Variants in STXBP5L observed in about 807,000 individuals in gnomAD.
STXBP5L encodes the protein syntaxin binding protein 5L, also known as syntaxin-binding protein 5-like.
Under a neutral mutation model 144.5 loss-of-function variants are expected in STXBP5L, and 65 were observed. That is an observed-to-expected ratio of 0.45 (90% CI 0.37 to 0.55). STXBP5L has a LOEUF of 0.55. STXBP5L is among the 20% of genes least tolerant of loss of function. The pLI is 0.00. For synonymous variants in STXBP5L, 505 were observed against 469.6 expected (o/e 1.08, Z -0.97); for missense variants, 1,298 against 1,405.5 (o/e 0.92, Z 1.22).
At chr3:121,304,659 A>G (rs1201507130) in intron 19 of STXBP5L, among the ~76,000 whole-genome samples, 1 of 152,142 alleles carries the variant, frequency 6.6e-6, no homozygotes, top group Non-Finnish European at 1.5e-5. Flanking sequence ...ATATTTTTGA[A>G]CTGAGTGAAA....
intron 18 of STXBP5L, among the ~76,000 whole-genome samples, chr3:121,259,815 T>A (rs2050328705): frequency 6.6e-6 from 1 of 151,952 alleles, no homozygotes; most frequent in Non-Finnish European, 1.5e-5. Flanking sequence ...TCCTGGTTTT[T>A]TTTTTAATTG....
intron 3 of STXBP5L, among the ~76,000 whole-genome samples, 172 bp from the exon 4 acceptor site, chr3:121,041,528 C>T (rs564755334): frequency 7.9e-5 from 12 of 152,036 alleles, no homozygotes; most frequent in African/African-American, 2.9e-4. Flanking sequence ...GAGTATTAAA[C>T]ATCTGAGGTA....
chr3:121,227,784 C>G (rs2049167050), intron 11 of STXBP5L, among the ~76,000 whole-genome samples: 1 of 152,024 alleles, frequency 6.6e-6, no homozygotes. Flanking sequence ...ATTATTATGG[C>G]ACATATCTTG....
chr3:121,295,388 G>A (rs562565772), intron 19 of STXBP5L, among the ~76,000 whole-genome samples: 2 of 152,148 alleles, frequency 1.3e-5, no homozygotes, highest in Admixed American at 1.3e-4. Context: ...ACAAGTGATT[G>A]TTATATCTGA....
chr3:120,980,548 C>T (rs1941652993), intron 3 of STXBP5L, among the ~76,000 whole-genome samples: 1 of 151,340 alleles, frequency 6.6e-6, no homozygotes, highest in Admixed American at 6.6e-5. Flanking sequence ...TTTCCATTTG[C>T]ATAAAATATC....
chr3:121,086,789 A>G (rs2042516882), intron 5 of STXBP5L, among the ~76,000 whole-genome samples: 1 of 152,076 alleles, frequency 6.6e-6, no homozygotes, highest in Non-Finnish European at 1.5e-5. Context: ...GTTTTGGGAT[A>G]CTCAACCTGT....
At chr3:121,009,753 T>C (rs1944630104) in intron 3 of STXBP5L, among the ~76,000 whole-genome samples, 1 of 151,910 alleles carries the variant, frequency 6.6e-6, no homozygotes, top group African/African-American at 2.4e-5. Context: ...GTTTTTGCTA[T>C]TGTGCCAACT....
chr3:121,405,210 T>TG, intron 22 of STXBP5L, among the ~76,000 whole-genome samples: 1 of 151,632 alleles, frequency 6.6e-6, no homozygotes, highest in African/African-American at 2.4e-5. Context: ...TAACATATGA[T>TG]TTTTTTTACA....
At chr3:121,280,116 A>G (rs1255413435) in intron 19 of STXBP5L, among the ~76,000 whole-genome samples, 160 bp downstream of exon 19, 1 of 151,894 alleles carries the variant, frequency 6.6e-6, no homozygotes, top group Non-Finnish European at 1.5e-5. Context: ...GGGCAGAAAC[A>G]TTGTGAGAAT....
intron 10 of STXBP5L, among the ~76,000 whole-genome samples, chr3:121,212,700 CT>C (rs1399099311): frequency 1.3e-5 from 2 of 152,114 alleles, no homozygotes; most frequent in African/African-American, 4.8e-5. Flanking sequence ...TATACAGGCT[CT>C]TTTTTGCTTC....
At chr3:121,039,366 G>A (rs541189327) in intron 3 of STXBP5L, among the ~76,000 whole-genome samples, 6 of 151,378 alleles carry the variant, frequency 4.0e-5, no homozygotes, top group Non-Finnish European at 8.9e-5. Context: ...TAATAGTAAA[G>A]TTTCTATTTC....
intron 9 of STXBP5L, among the ~76,000 whole-genome samples, chr3:121,187,248 G>C (rs530759514): frequency 3.9e-5 from 6 of 152,104 alleles, no homozygotes; most frequent in Non-Finnish European, 7.4e-5. Context: ...CATGTCCTTT[G>C]TAGGGACATG....
intron 3 of STXBP5L, among the ~76,000 whole-genome samples, chr3:120,957,263 T>C (rs997571041): frequency 6.6e-6 from 1 of 152,020 alleles, no homozygotes; most frequent in Non-Finnish European, 1.5e-5. Context: ...AAATTTGAAA[T>C]TAGATGAATT....
At chr3:121,334,083 A>C (rs1055917034) in intron 20 of STXBP5L, among the ~76,000 whole-genome samples, 7 of 151,994 alleles carry the variant, frequency 4.6e-5, no homozygotes, top group African/African-American at 1.7e-4. Context: ...CTTGGTTCTC[A>C]TTATTTCTTT....
chr3:120,979,431 T>C (rs1219612487), intron 3 of STXBP5L, among the ~76,000 whole-genome samples: 1 of 152,150 alleles, frequency 6.6e-6, no homozygotes, highest in South Asian at 2.1e-4. Flanking sequence ...CGTGACCCAA[T>C]TTTCCAGGTG....
intron 10 of STXBP5L, among the ~76,000 whole-genome samples, chr3:121,211,669 C>G (rs1322731484): frequency 6.8e-6 from 1 of 147,354 alleles, no homozygotes; most frequent in African/African-American, 2.5e-5. Flanking sequence ...ACCTCTGCCT[C>G]CGGGGTTCAA....
At chr3:121,113,063 A>G (rs1286115020) in intron 5 of STXBP5L, among the ~76,000 whole-genome samples, 1 of 152,188 alleles carries the variant, frequency 6.6e-6, no homozygotes, top group East Asian at 1.9e-4. Context: ...TGTCTGATAT[A>G]AAGGCTCTAG....
chr3:121,074,013 C>T (rs1367264273), intron 5 of STXBP5L, among the ~76,000 whole-genome samples: 1 of 152,226 alleles, frequency 6.6e-6, no homozygotes, highest in African/African-American at 2.4e-5. Context: ...TGAAAGCACT[C>T]TTCTTTTGTG....
intron 20 of STXBP5L, among the ~76,000 whole-genome samples, chr3:121,332,358 T>A (rs1577477995): frequency 2.1e-5 from 2 of 94,954 alleles, no homozygotes; most frequent in Admixed American, 1.1e-4. Flanking sequence ...AATTTAAAAA[T>A]AACAATTCAG....
Sources: allele counts gnomAD v4.1 joint callset (sites outside exome capture counted in the v4.1 genomes callset), GRCh38; gene constraint gnomAD v4.1.1; transcripts MANE v1.5; gene names NCBI Gene and HGNC (gene_info 2026-07-23, HGNC 2026-07-21).